Variants in CTNNA2 observed in about 807,000 individuals in gnomAD.
CTNNA2 encodes the protein catenin alpha-2.
Under a neutral mutation model 101.0 loss-of-function variants are expected in CTNNA2, and 42 were observed. That is an observed-to-expected ratio of 0.42 (90% CI 0.32 to 0.54). The LOEUF is 0.54. Ranked by LOEUF, CTNNA2 falls within the 20% of genes least tolerant of loss-of-function variation. The pLI, the probability that CTNNA2 is intolerant of heterozygous loss-of-function variation, is 0.14. For missense variants in CTNNA2, 871 were observed against 1,223.1 expected (o/e 0.71, Z 4.29); for synonymous variants, 450 against 456.4 (o/e 0.99, Z 0.18).
intron 9 of CTNNA2, among the ~76,000 whole-genome samples, chr2:80,430,658 A>T (rs188266492): frequency 6.6e-6 from 1 of 152,308 alleles, no homozygotes; most frequent in East Asian, 1.9e-4. Flanking sequence ...GAGTGGTGTG[A>T]TGGATTAGAA....
chr2:80,116,806 T>C (rs1701549911), intron 7 of CTNNA2, among the ~76,000 whole-genome samples: 2 of 152,036 alleles, frequency 1.3e-5, no homozygotes, highest in Non-Finnish European at 2.9e-5. Flanking sequence ...CTTGTGGGCA[T>C]ATTGAGTTCA....
intron 7 of CTNNA2, among the ~76,000 whole-genome samples, chr2:80,190,048 G>A (rs79468406): frequency 0.011 from 1,671 of 151,986 alleles, 33 homozygotes; most frequent in African/African-American, 0.037. Flanking sequence ...TTTAAGGTCT[G>A]GTTTTAGAGA....
intron 4 of CTNNA2, among the ~76,000 whole-genome samples, chr2:79,460,867 G>C (rs1385722010): frequency 6.8e-6 from 1 of 146,904 alleles, no homozygotes; most frequent in East Asian, 1.9e-4. Flanking sequence ...TTCGAGACAG[G>C]GTCTTGCTAT....
chr2:79,508,470 T>C (rs940178568), upstream of CTNNA2, among the ~76,000 whole-genome samples: 69 of 152,234 alleles, frequency 4.5e-4, 1 homozygote, highest in African/African-American at 1.6e-3. Flanking sequence ...AACCTGAAGA[T>C]GAGAGAGATA....
intron 7 of CTNNA2, among the ~76,000 whole-genome samples, chr2:79,979,904 A>G (rs1327807046): frequency 6.6e-6 from 1 of 152,142 alleles, no homozygotes; most frequent in Non-Finnish European, 1.5e-5. Flanking sequence ...TAGGAACTTA[A>G]TTGTTCATGG....
At position 80,343,858 on chromosome 2, in the gene CTNNA2, T is replaced by C. The variant is rs556463171; in HGVS notation, c.1057-49353T>C. ...AAACAATATTCTGTGGCATCATTTC[T>C]ATCAGCACACAAACATCTAAATTCT... On this transcript the variant is annotated intron_variant, in intron 7 of 18. Coordinates refer to ENST00000402739, the MANE Select transcript of CTNNA2 (RefSeq NM_001282597.3). 3.3e-5 allele frequency among the ~76,000 whole-genome samples: 5 copies of C among 152,354 alleles called. No homozygotes were observed. The East Asian group carries it at 9.6e-4, about 29-fold the overall frequency.
At chr2:79,543,648 G>C (rs184314312) in intron 1 of CTNNA2, among the ~76,000 whole-genome samples, 4 of 152,186 alleles carry the variant, frequency 2.6e-5, no homozygotes, top group Admixed American at 2.6e-4. Context: ...GCAATGAACA[G>C]ATCATTTAAT....
intron 7 of CTNNA2, among the ~76,000 whole-genome samples, chr2:80,261,175 A>G (rs1047176597): frequency 1.3e-5 from 2 of 152,216 alleles, no homozygotes; most frequent in East Asian, 3.8e-4. Flanking sequence ...CTCTCCTCAG[A>G]TGACACATAT....
intron 3 of CTNNA2, among the ~76,000 whole-genome samples, chr2:79,750,441 C>G (rs1237165696): frequency 6.6e-6 from 1 of 152,174 alleles, no homozygotes; most frequent in African/African-American, 2.4e-5. Flanking sequence ...TGGACTAATC[C>G]CTTTCTTGCT....
intron 3 of CTNNA2, among the ~76,000 whole-genome samples, chr2:79,771,377 G>A (rs1052250938): frequency 5.9e-5 from 9 of 152,164 alleles, no homozygotes; most frequent in Non-Finnish European, 1.2e-4. Flanking sequence ...CGAGGGGTAA[G>A]GGGATGGTTT....
At chr2:80,178,816 A>G (rs1197818000) in intron 7 of CTNNA2, among the ~76,000 whole-genome samples, 8 of 152,190 alleles carry the variant, frequency 5.3e-5, no homozygotes, top group Non-Finnish European at 1.2e-4. Flanking sequence ...AGGCCCCACA[A>G]CACTGTACTC....
At chr2:79,327,893 T>A (rs1558628475) in intron 3 of CTNNA2, among the ~76,000 whole-genome samples, 1 of 152,180 alleles carries the variant, frequency 6.6e-6, no homozygotes, top group African/African-American at 2.4e-5. Context: ...GGAAAGACTC[T>A]GTGAAATCAG....
chr2:79,472,224 G>A (rs1361824725), intron 4 of CTNNA2, among the ~76,000 whole-genome samples: 1 of 152,210 alleles, frequency 6.6e-6, no homozygotes, highest in African/African-American at 2.4e-5. Context: ...CCACATGCTA[G>A]CAAGACAAGT....
intron 1 of CTNNA2, among the ~76,000 whole-genome samples, chr2:79,568,848 T>G (rs1675280033): frequency 8.0e-6 from 1 of 124,780 alleles, no homozygotes; most frequent in Non-Finnish European, 1.6e-5. Context: ...ATGGCAACAT[T>G]CTGTTTCTAC....
At chr2:80,523,475 A>G (rs1412787895) in intron 9 of CTNNA2, among the ~76,000 whole-genome samples, 1 of 152,198 alleles carries the variant, frequency 6.6e-6, no homozygotes, top group Non-Finnish European at 1.5e-5. Context: ...CGTGAAGAGA[A>G]AGTTATAAGG....
chr2:80,461,440 G>A lies in CTNNA2; in HGVS notation c.1290+41839G>A, dbSNP rs115440630. Among the ~76,000 whole-genome samples the A allele has an allele frequency of 6.1e-3, 935 of 152,098 alleles. 13 individuals are homozygous for A. The highest frequency in any genetic ancestry group is 0.022 in the African/African-American group (902 of 41,484). ...CCCATGCTGTATTCAGAATGAAGCC[G>A]TCTCCCCACCAGCTCACACTGACCC... On this transcript the variant is annotated intron_variant, in intron 9 of 18. Transcript: ENST00000402739.
At chr2:79,340,899 T>TAA (rs35622290) in intron 3 of CTNNA2, among the ~76,000 whole-genome samples, 2 of 120,016 alleles carry the variant, frequency 1.7e-5, no homozygotes, top group Non-Finnish European at 1.7e-5. Flanking sequence ...AGGGATCTAG[T>TAA]AAAAAAAAAA....
chr2:80,574,221 T>C lies in CTNNA2; in HGVS notation c.1800T>C (p.Val600=), dbSNP rs2228460. 512,664 of 1,612,904 alleles carry C rather than the reference T, an allele frequency of 0.32. 85,402 individuals are homozygous for C. The highest frequency in any genetic ancestry group is 0.38 in the Admixed American group (22,676 of 59,940). ...CCATTGAAGCCCTGAGTGCCAACGT[T>C]CCTCAACCGTTTGAGGAGAATGAGT... ...EVAIEALSAN[V]PQPFEENEFI... The change falls in exon 13 of 19, where the codon GTT becomes GTC. Residue 600 remains valine (V), a synonymous_variant. Transcript: ENST00000402739.
intron 4 of CTNNA2, among the ~76,000 whole-genome samples, chr2:79,418,207 G>A (rs943258177): frequency 3.3e-5 from 5 of 152,088 alleles, no homozygotes; most frequent in Admixed American, 6.6e-5. Context: ...CTACAATGGT[G>A]ATGTTATCTG....
Sources: allele counts gnomAD v4.1 joint callset (sites outside exome capture counted in the v4.1 genomes callset), GRCh38; gene constraint gnomAD v4.1.1; transcripts MANE v1.5; gene names NCBI Gene and HGNC (gene_info 2026-07-23, HGNC 2026-07-21).